Variants in KDM4B observed in about 807,000 individuals in gnomAD.
KDM4B encodes the protein lysine-specific demethylase 4B.
In KDM4B, 32 loss-of-function variants were observed where a neutral mutation model predicts 125.2. That is an observed-to-expected ratio of 0.26 (90% CI 0.19 to 0.34). The LOEUF (loss-of-function observed/expected upper bound fraction) is 0.34, where lower values mean the gene tolerates loss of function less well. Among genes scored for constraint, KDM4B ranks in the 10% least tolerant of loss-of-function variants. The probability of loss-of-function intolerance (pLI) is 1.00; values close to 1 mark genes in which losing one functional copy is unlikely to be tolerated. For missense variants in KDM4B, 1,190 were observed against 1,577.7 expected (o/e 0.75, Z 4.16); for synonymous variants, 721 against 677.9 (o/e 1.06, Z -0.99).
chr19:5,144,655 C>T (rs2039809964), intron 20 of KDM4B, 128 bp from the exon 21 acceptor site: 14 of 1,354,784 alleles, frequency 1.0e-5, no homozygotes, highest in East Asian at 4.6e-5. Flanking sequence ...CTACCCCGGG[C>T]CCCCGCAGCC....
chr19:5,131,229 T>C lies in KDM4B; in HGVS notation c.1469T>C (p.Leu490Pro). The C allele has an allele frequency of 6.2e-7, 1 of 1,607,442 alleles. No individual in the cohort carries two copies. Among genetic ancestry groups the C allele is most frequent in the Non-Finnish European group, 8.5e-7 (1 of 1,177,474 alleles). ...CCATCCCCACTGGAGCCCCCGGTGC[T>C]GGGCCCAGGCCCTGCAGCCATGGAG... Reference protein sequence around the residue: ...WLPSPLEPPVLGPGPAAMEES... With the variant: ...WLPSPLEPPVPGPGPAAMEES... The change falls in exon 12 of 23, where the codon CTG becomes CCG. Residue 490 changes from leucine (L) to proline (P), a missense_variant. Physicochemically the swap from Leu to Pro is moderately conservative, Grantham distance 98. Around this residue, in one of 7 missense-constraint regions of KDM4B, gnomAD observed 428 missense variants for 405.1 expected, o/e 1.06. Transcript: ENST00000159111.
Position 5,153,515 on chromosome 19 carries a change from G to A in KDM4B, c.*2004G>A, listed in dbSNP as rs953759006. 6 of 152,232 alleles carry A rather than the reference G, an allele frequency of 3.9e-5. No homozygotes were observed. Among genetic ancestry groups the A allele is most frequent in the Non-Finnish European group, 7.3e-5 (5 of 68,058 alleles). 9.4% of individuals were successfully genotyped at this position (152,232 alleles called of 1,614,324 possible). The stretch of plus-strand genomic sequence containing the variant: ...CCAGTGCCCTGGTTTTTCCCCACCC[G>A]AGATGAAGGATACGCTGTATTTTTT... On this transcript the variant is annotated 3_prime_UTR_variant, in exon 23 of 23. Coordinates refer to ENST00000159111, the MANE Select transcript of KDM4B (RefSeq NM_015015.3).
intron 11 of KDM4B, among the ~76,000 whole-genome samples, chr19:5,127,283 A>C (rs1490506799): frequency 6.6e-6 from 1 of 152,128 alleles, no homozygotes; most frequent in African/African-American, 2.4e-5. Flanking sequence ...TCCCCATGGC[A>C]GGGACAGAGC....
At position 4,971,888 on chromosome 19, in the gene KDM4B, A is replaced by C. The variant is rs1402962192; in HGVS notation, c.-109+2658A>C. Among the ~76,000 whole-genome samples, 1 of 151,660 alleles carries C rather than the reference A, an allele frequency of 6.6e-6. No individual in the cohort carries two copies. The highest frequency in any genetic ancestry group is 1.5e-5 in the Non-Finnish European group (1 of 67,900). ...GTGACAAAGCAGATCGGGGGCACTA[A>C]ATCTTTCGGAGCCCACTGGGCAGGA... is the stretch of plus-strand genomic sequence containing the variant. On this transcript the variant is annotated intron_variant, in intron 1 of 22. Coordinates refer to ENST00000159111, the MANE Select transcript of KDM4B (RefSeq NM_015015.3). This position sits in a 1 kb window ranked among gnomAD's most constrained non-coding sequence, Gnocchi z 4.1.
At chr19:5,090,292 CCCGGTTCGTTTTGAGAAGTCTCTTTCTCA>C (rs2038648435) in intron 9 of KDM4B, among the ~76,000 whole-genome samples, 1 of 151,710 alleles carries the variant, frequency 6.6e-6, no homozygotes. Context: ...GGGTGCAGTA[CCCGGTTCGTTTTGAGAAGTCTCTTTCTCA>C]GCTAGAGCTG....
At chr19:5,053,034 T>C (rs1057101746) in intron 6 of KDM4B, among the ~76,000 whole-genome samples, 3 of 152,180 alleles carry the variant, frequency 2.0e-5, no homozygotes, top group Admixed American at 1.3e-4. Context: ...CTGGCGGAGA[T>C]TGGTGTCCCG....
chr19:4,977,517 T>C (rs2034489301), intron 1 of KDM4B, among the ~76,000 whole-genome samples: 1 of 152,240 alleles, frequency 6.6e-6, no homozygotes, highest in African/African-American at 2.4e-5. Context: ...ACCCAAGTGC[T>C]GGCACCTTCC....
intron 9 of KDM4B, among the ~76,000 whole-genome samples, chr19:5,093,531 G>A (rs1236943140): frequency 1.3e-5 from 2 of 152,176 alleles, no homozygotes; most frequent in Non-Finnish European, 2.9e-5. Context: ...GTTTGTTATC[G>A]GCCTCACTGC....
At chr19:4,994,421 T>C (rs1412952135) in intron 1 of KDM4B, among the ~76,000 whole-genome samples, 2 of 151,726 alleles carry the variant, frequency 1.3e-5, no homozygotes, top group Non-Finnish European at 2.9e-5. Flanking sequence ...AAAATACACA[T>C]GCGTGGTGGC....
chr19:5,021,872 G>A (rs1179704120), intron 2 of KDM4B, among the ~76,000 whole-genome samples: 2 of 152,162 alleles, frequency 1.3e-5, no homozygotes, highest in East Asian at 1.9e-4. Flanking sequence ...TTGACCTCGT[G>A]ATCTGCCTGC....
At chr19:5,147,736 C>T (rs1047176552) in intron 21 of KDM4B, among the ~76,000 whole-genome samples, 1 of 131,426 alleles carries the variant, frequency 7.6e-6, no homozygotes, top group African/African-American at 3.0e-5. Context: ...AAACAAAGCC[C>T]TGTCTCAAAA....
intron 12 of KDM4B, 74 bp from the exon 13 acceptor site, chr19:5,131,813 C>A: frequency 6.3e-7 from 1 of 1,594,542 alleles, no homozygotes; most frequent in South Asian, 1.1e-5. Context: ...ACGCCGAGCC[C>A]CTGTGTGGCT....
Position 5,047,422 on chromosome 19 carries a change from C to T in KDM4B, c.433-54C>T, listed in dbSNP as rs1283095598. 48 of 1,512,926 alleles carry T rather than the reference C, an allele frequency of 3.2e-5. No homozygotes were observed. The East Asian group carries it at 6.1e-4, about 19-fold the overall frequency. 93.7% of individuals were successfully genotyped at this position (1,512,926 alleles called of 1,614,324 possible). On this transcript the variant is annotated intron_variant, in intron 5 of 22. Coordinates refer to ENST00000159111, the MANE Select transcript of KDM4B (RefSeq NM_015015.3). ...GAGAATTAGCCTGCACCCCAGGGCT[C>T]GCAGGTTCTGGGGGTGGCCGGGCGG... is the stretch of plus-strand genomic sequence containing the variant.
At chr19:4,998,784 G>A (rs927539963) in intron 1 of KDM4B, among the ~76,000 whole-genome samples, 4 of 152,128 alleles carry the variant, frequency 2.6e-5, no homozygotes, top group African/African-American at 9.7e-5. Flanking sequence ...TGTTTTGGGG[G>A]CGTACAGGCC....
chr19:5,139,948 G>A (rs1376913524), intron 18 of KDM4B, among the ~76,000 whole-genome samples: 1 of 152,262 alleles, frequency 6.6e-6, no homozygotes, highest in East Asian at 1.9e-4. Context: ...GGAGCCACAG[G>A]GCAGTCAGGA....
chr19:5,015,603 A>G (rs927487655), intron 1 of KDM4B, among the ~76,000 whole-genome samples: 3 of 152,196 alleles, frequency 2.0e-5, no homozygotes, highest in African/African-American at 7.2e-5. Context: ...TAATCCCAGT[A>G]CTTTGGGAAC....
chr19:5,069,736 C>T (rs2037887812), intron 6 of KDM4B, among the ~76,000 whole-genome samples: 1 of 152,108 alleles, frequency 6.6e-6, no homozygotes, highest in African/African-American at 2.4e-5. Flanking sequence ...GCGTCAGCCT[C>T]CCGAGTAGCT....
intron 11 of KDM4B, among the ~76,000 whole-genome samples, chr19:5,123,016 G>C (rs1389211694): frequency 1.3e-5 from 2 of 152,254 alleles, no homozygotes; most frequent in Non-Finnish European, 2.9e-5. Context: ...GTTTCCTGGA[G>C]AGACCCCCTG....
intron 2 of KDM4B, among the ~76,000 whole-genome samples, chr19:5,019,698 G>GTA (rs1352779410): frequency 6.9e-6 from 1 of 145,244 alleles, no homozygotes; most frequent in Non-Finnish European, 1.5e-5. Flanking sequence ...GTGTTGGTGT[G>GTA]GGTGTTGGTG....
Sources: allele counts gnomAD v4.1 joint callset (sites outside exome capture counted in the v4.1 genomes callset), GRCh38; gene constraint gnomAD v4.1.1; regional missense constraint gnomAD v4.1.1; non-coding constraint Gnocchi (gnomAD v3.1); transcripts MANE v1.5; gene names NCBI Gene and HGNC (gene_info 2026-07-23, HGNC 2026-07-21).